IL1RAPL1: variants seen among roughly 807,000 people sequenced by gnomAD.
IL1RAPL1 encodes interleukin 1 receptor accessory protein like 1, also known as interleukin-1 receptor accessory protein-like 1.
IL1RAPL1 carries 3 observed loss-of-function variants against 48.4 expected under a neutral mutation model. That is an observed-to-expected ratio of 0.06 (90% CI 0.03 to 0.16). The LOEUF is 0.16. IL1RAPL1 is among the 10% of genes least tolerant of loss of function. The pLI, the probability that IL1RAPL1 is intolerant of heterozygous loss-of-function variation, is 1.00. For synonymous variants in IL1RAPL1, 185 were observed against 187.7 expected, an observed-to-expected ratio of 0.99 and a Z score of 0.12; for missense variants, 349 against 530.6, an observed-to-expected ratio of 0.66 and a Z score of 3.36.
intron 2 of IL1RAPL1, among the ~76,000 whole-genome samples, chrX:29,139,262 T>A (rs766394985): frequency 9.0e-6 from 1 of 110,880 alleles, no homozygotes; most frequent in African/African-American, 3.3e-5. Flanking sequence ...AGCATGATGA[T>A]AGTCAGGAGG....
intron 2 of IL1RAPL1, among the ~76,000 whole-genome samples, chrX:28,896,366 G>T (rs1438202264): frequency 8.9e-6 from 1 of 111,771 alleles, no homozygotes; most frequent in East Asian, 2.8e-4. Context: ...TAGGGTCTAG[G>T]GCTCTAAAGT....
At chrX:29,158,949 T>G (rs373347139) in intron 2 of IL1RAPL1, among the ~76,000 whole-genome samples, 1 of 54,047 alleles carries the variant, frequency 1.9e-5, no homozygotes, top group Non-Finnish European at 3.1e-5. Context: ...CCTCCCTCCC[T>G]CTCCCTCTCT....
chrX:28,765,721 G>C (rs1240125325), intron 1 of IL1RAPL1, among the ~76,000 whole-genome samples: 2 of 111,788 alleles, frequency 1.8e-5, no homozygotes, highest in Non-Finnish European at 3.8e-5. Flanking sequence ...ATAAAGTATT[G>C]ATAATTTCAC....
At chrX:29,091,399 A>C (rs552866895) in intron 2 of IL1RAPL1, among the ~76,000 whole-genome samples, 1 of 111,737 alleles carries the variant, frequency 8.9e-6, no homozygotes, top group Admixed American at 9.5e-5. Context: ...GCTAATCCCA[A>C]CTGTTACTGT....
intron 1 of IL1RAPL1, among the ~76,000 whole-genome samples, chrX:28,737,626 A>C (rs1935860042): frequency 8.9e-6 from 1 of 112,168 alleles, no homozygotes; most frequent in East Asian, 2.8e-4. Flanking sequence ...GAAAAGTAAT[A>C]ATCAACAAAC....
chrX:29,661,789 G>A (rs1322028792), intron 5 of IL1RAPL1, among the ~76,000 whole-genome samples: 1 of 111,614 alleles, frequency 9.0e-6, no homozygotes, highest in South Asian at 3.7e-4. Context: ...ATGAACATTC[G>A]TTTATAATTC....
chrX:28,645,068 C>G (rs1453291517), intron 1 of IL1RAPL1, among the ~76,000 whole-genome samples: 2 of 110,182 alleles, frequency 1.8e-5, no homozygotes, highest in African/African-American at 6.6e-5. Context: ...GGGAGAGGGG[C>G]CAGGCGCAGT....
At chrX:29,148,409 A>G (rs1929392731) in intron 2 of IL1RAPL1, among the ~76,000 whole-genome samples, 2 of 111,797 alleles carry the variant, frequency 1.8e-5, no homozygotes, top group Non-Finnish European at 3.8e-5. Flanking sequence ...TGTTGTCAAG[A>G]TGGTATCTCC....
chrX:28,933,962 CAGTG>C (rs754480005), intron 2 of IL1RAPL1, among the ~76,000 whole-genome samples: 4 of 111,379 alleles, frequency 3.6e-5, no homozygotes, highest in Non-Finnish European at 5.6e-5. Context: ...ATATAATAAA[CAGTG>C]AGGACGACCA....
Position 29,785,244 on chromosome X carries a change from A to T in IL1RAPL1, c.778+116740A>T, listed in dbSNP as rs1929465976. On this transcript the variant is annotated intron_variant, in intron 6 of 10. Coordinates refer to ENST00000378993, the MANE Select transcript of IL1RAPL1 (RefSeq NM_014271.4). ...TAAGAATAGATAATAAACACATGAA[A>T]AGATGCTCAGCACCATTCTTCATCA... 2.7e-5 allele frequency among the ~76,000 whole-genome samples: 3 copies of T among 112,302 alleles called. No individual in the cohort carries two copies. In the Admixed American group the frequency reaches 2.8e-4, roughly 11 times the overall value.
intron 1 of IL1RAPL1, among the ~76,000 whole-genome samples, chrX:28,708,581 A>G (rs999272975): frequency 2.7e-5 from 3 of 112,253 alleles, no homozygotes; most frequent in Non-Finnish European, 5.6e-5. Context: ...GAATGGATAA[A>G]GAAAATGTGG....
intron 2 of IL1RAPL1, among the ~76,000 whole-genome samples, chrX:29,166,821 C>A (rs1332387291): frequency 8.9e-6 from 1 of 111,821 alleles, no homozygotes; most frequent in Non-Finnish European, 1.9e-5. Flanking sequence ...CATCCCAGGG[C>A]CTTTGCACAT....
At chrX:28,720,153 T>C (rs1226910390) in intron 1 of IL1RAPL1, among the ~76,000 whole-genome samples, 1 of 111,499 alleles carries the variant, frequency 9.0e-6, no homozygotes, top group Non-Finnish European at 1.9e-5. Flanking sequence ...TTTTCCTTTC[T>C]TTTTTTAATT....
At chrX:29,299,069 A>AAC (rs757319257) in intron 3 of IL1RAPL1, among the ~76,000 whole-genome samples, 1 of 109,256 alleles carries the variant, frequency 9.2e-6, no homozygotes, top group Non-Finnish European at 1.9e-5. Flanking sequence ...GAAAAAAAAA[A>AAC]ACACGTGAAA....
intron 2 of IL1RAPL1, among the ~76,000 whole-genome samples, chrX:29,205,776 C>A (rs55873615): frequency 0.14 from 15,152 of 108,617 alleles, 1,059 homozygotes; most frequent in East Asian, 0.42. Flanking sequence ...ACTCTGTCGC[C>A]CAGGCTGGAG....
At chrX:29,506,438 T>TCTCCTCCTC (rs562607187) in intron 5 of IL1RAPL1, among the ~76,000 whole-genome samples, 10,958 of 90,516 alleles carry the variant, frequency 0.12, 588 homozygotes, top group South Asian at 0.23. Context: ...TCCTTCTCCT[T>TCTCCTCCTC]CTCCTCCTCC....
chrX:28,813,036 C>T (rs774988647), intron 2 of IL1RAPL1, among the ~76,000 whole-genome samples: 1 of 110,691 alleles, frequency 9.0e-6, no homozygotes, highest in Non-Finnish European at 1.9e-5. Flanking sequence ...CAGAACAATA[C>T]CTGGCATATG....
intron 2 of IL1RAPL1, among the ~76,000 whole-genome samples, chrX:29,174,056 G>T (rs930148490): frequency 9.1e-6 from 1 of 110,287 alleles, no homozygotes; most frequent in Admixed American, 9.7e-5. Flanking sequence ...GAGTAGCTGG[G>T]ATTACAGGCA....
intron 5 of IL1RAPL1, among the ~76,000 whole-genome samples, chrX:29,560,310 T>C (rs1922146766): frequency 8.9e-6 from 1 of 112,064 alleles, no homozygotes; most frequent in South Asian, 3.7e-4. Flanking sequence ...CCTTATTACT[T>C]TCAAAATTCT....
Sources: allele counts gnomAD v4.1 joint callset (sites outside exome capture counted in the v4.1 genomes callset), GRCh38; gene constraint gnomAD v4.1.1; transcripts MANE v1.5; gene names NCBI Gene and HGNC (gene_info 2026-07-23, HGNC 2026-07-21).